RBFOX1: variants seen among roughly 807,000 people sequenced by gnomAD.
RBFOX1 encodes RNA binding fox-1 homolog 1, also known as RNA binding protein fox-1 homolog 1.
RBFOX1 carries 8 observed loss-of-function variants against 57.7 expected under a neutral mutation model. The observed-to-expected ratio is 0.14, with a 90% confidence interval of 0.08 to 0.25. The LOEUF is 0.25. Among genes scored for constraint, RBFOX1 ranks in the 10% least tolerant of loss-of-function variants. The pLI, the probability that RBFOX1 is intolerant of heterozygous loss-of-function variation, is 1.00. For synonymous variants in RBFOX1, 326 were observed against 222.4 expected (o/e 1.47, Z -4.15); for missense variants, 611 against 548.5 (o/e 1.11, Z -1.14).
chr16:5,962,838 A>G (rs1212731825), intron 4 of RBFOX1, among the ~76,000 whole-genome samples: 1 of 136,194 alleles, frequency 7.3e-6, no homozygotes, highest in Non-Finnish European at 1.6e-5. Flanking sequence ...TTTTTTTTTT[A>G]ATATATAATG....
At chr16:5,512,477 G>A (rs1265392188) in intron 2 of RBFOX1, among the ~76,000 whole-genome samples, 2 of 151,734 alleles carry the variant, frequency 1.3e-5, no homozygotes, top group Admixed American at 6.6e-5. Flanking sequence ...GTGTGTGTGT[G>A]GAGGTGAGCT....
chr16:6,948,438 G>A (rs1297894203), intron 3 of RBFOX1, among the ~76,000 whole-genome samples: 2 of 128,024 alleles, frequency 1.6e-5, no homozygotes, highest in Non-Finnish European at 3.1e-5. Flanking sequence ...CCAGGCTGGA[G>A]TGCAGTTTAT....
chr16:5,716,804 C>G (rs1306635766), intron 3 of RBFOX1, among the ~76,000 whole-genome samples: 2 of 152,140 alleles, frequency 1.3e-5, no homozygotes, highest in Non-Finnish European at 2.9e-5. Flanking sequence ...CTCAAGGAAG[C>G]TCAGCGACTT....
intron 6 of RBFOX1, among the ~76,000 whole-genome samples, chr16:7,583,382 A>C (rs772358407): frequency 6.6e-6 from 1 of 152,236 alleles, no homozygotes; most frequent in Non-Finnish European, 1.5e-5. Context: ...ATGCATGAGC[A>C]TGCATTTTCT....
intron 3 of RBFOX1, among the ~76,000 whole-genome samples, chr16:5,826,199 A>G (rs997190564): frequency 2.0e-5 from 3 of 149,952 alleles, no homozygotes; most frequent in Non-Finnish European, 4.4e-5. Flanking sequence ...TCTTATAGTA[A>G]TATTCCTTAT....
chr16:7,476,790 C>G (rs2062813964), intron 4 of RBFOX1, among the ~76,000 whole-genome samples: 1 of 152,172 alleles, frequency 6.6e-6, no homozygotes, highest in African/African-American at 2.4e-5. Flanking sequence ...GGTCTCCCCA[C>G]AAAATCCCTG....
At chr16:5,850,962 C>T (rs892291999) in intron 3 of RBFOX1, among the ~76,000 whole-genome samples, 6 of 152,304 alleles carry the variant, frequency 3.9e-5, no homozygotes, top group East Asian at 1.9e-4. Flanking sequence ...GCTGCGTTCC[C>T]GGAGGCTCAT....
chr16:7,656,263 G>A (rs549499962), intron 12 of RBFOX1, among the ~76,000 whole-genome samples: 1 of 152,304 alleles, frequency 6.6e-6, no homozygotes, highest in Admixed American at 6.5e-5. Flanking sequence ...TTGCCTGGGT[G>A]TTTCACTGGA....
At chr16:5,575,487 C>A (rs146074740) in intron 2 of RBFOX1, among the ~76,000 whole-genome samples, 35 of 152,284 alleles carry the variant, frequency 2.3e-4, no homozygotes, top group African/African-American at 8.2e-4. Context: ...AGTGAATTTC[C>A]TTGCCCACAG....
In RBFOX1 at chr16:7,153,254, C is replaced by T. The variant is rs138558368; in HGVS notation, c.27+101156C>T. The stretch of plus-strand genomic sequence containing the variant: ...AGTCTGGTAATGTCTCTATCAAATG[C>T]ATACCTGGAGGCATGGGTCAGAATC... On this transcript the variant is annotated intron_variant, in intron 4 of 15. Transcript: ENST00000550418. 3.3e-5 allele frequency among the ~76,000 whole-genome samples: 5 copies of T among 152,166 alleles called. No homozygotes were observed. The East Asian group carries it at 9.7e-4, about 29-fold the overall frequency.
chr16:5,755,823 C>G (rs1033825348), intron 3 of RBFOX1, among the ~76,000 whole-genome samples: 1 of 152,064 alleles, frequency 6.6e-6, no homozygotes, highest in African/African-American at 2.4e-5. Context: ...GTCTCGAACT[C>G]CTGACCTCAG....
intron 14 of RBFOX1, among the ~76,000 whole-genome samples, chr16:7,703,348 C>G (rs990051): frequency 0.24 from 36,794 of 151,996 alleles, 4,586 homozygotes; most frequent in East Asian, 0.47. Flanking sequence ...CATTTTCTTG[C>G]TGCCATTTGG....
Position 7,054,218 on chromosome 16 carries a change from G to T in RBFOX1, c.27+2120G>T, listed in dbSNP as rs901588633. Among the ~76,000 whole-genome samples, 862 of 104,932 alleles carry T rather than the reference G, an allele frequency of 8.2e-3. 20 individuals carry two copies. The highest frequency in any genetic ancestry group is 0.04 in the East Asian group (112 of 2,772). 68.8% of individuals were successfully genotyped at this position (104,932 alleles called of 152,430 possible). A position where few individuals can be genotyped will look rare whatever the true frequency, so the allele number is the denominator to read the frequency against. ...ATTAAGGTGATTTTTTTTTTCGGGGGGGGGGGGCGGGGAGCTTTTTTTTTT... is the reference window on the plus strand; with the variant it reads ...ATTAAGGTGATTTTTTTTTTCGGGGTGGGGGGGCGGGGAGCTTTTTTTTTT... On this transcript the variant is annotated intron_variant, in intron 4 of 15. Transcript: ENST00000550418.
chr16:7,185,337 T>G (rs896125622), intron 4 of RBFOX1, among the ~76,000 whole-genome samples: 1 of 152,210 alleles, frequency 6.6e-6, no homozygotes, highest in African/African-American at 2.4e-5. Flanking sequence ...GGTTTGTGTT[T>G]AATCACAGAA....
Position 6,339,399 on chromosome 16 carries a change from G to A in RBFOX1, c.-64+22342G>A, listed in dbSNP as rs542781480. On this transcript the variant is annotated intron_variant, in intron 2 of 15. Transcript: ENST00000550418. ...ACAGCAGAGAAAGTGGTTTAATTAT[G>A]GGGCTGCTGAACGAGGAGCAGCAAA... 5.3e-5 allele frequency among the ~76,000 whole-genome samples: 8 copies of A among 152,296 alleles called. No individual in the cohort carries two copies. The East Asian group carries it at 1.4e-3, about 26-fold the overall frequency.
chr16:6,913,765 C>G (rs1490250997), intron 3 of RBFOX1, among the ~76,000 whole-genome samples: 1 of 152,124 alleles, frequency 6.6e-6, no homozygotes, highest in Non-Finnish European at 1.5e-5. Context: ...GTTAAGTCCA[C>G]TGTGGGAAGC....
intron 2 of RBFOX1, among the ~76,000 whole-genome samples, chr16:6,332,505 A>G (rs572540643): frequency 5.9e-5 from 9 of 152,370 alleles, no homozygotes; most frequent in African/African-American, 2.2e-4. Flanking sequence ...TATAGGAGAC[A>G]TGACTGACTG....
chr16:6,042,169 C>T (rs989937770), intron 1 of RBFOX1, among the ~76,000 whole-genome samples: 4 of 151,062 alleles, frequency 2.6e-5, no homozygotes, highest in African/African-American at 4.9e-5. Flanking sequence ...GGTGCCATCT[C>T]GGCTGACTGC....
chr16:5,760,547 A>G (rs1035578866), intron 3 of RBFOX1, among the ~76,000 whole-genome samples: 1 of 152,296 alleles, frequency 6.6e-6, no homozygotes, highest in East Asian at 1.9e-4. Flanking sequence ...ATCGTGGTGT[A>G]TCCATACCAC....
Sources: allele counts gnomAD v4.1 joint callset (sites outside exome capture counted in the v4.1 genomes callset), GRCh38; gene constraint gnomAD v4.1.1; transcripts MANE v1.5; gene names NCBI Gene and HGNC (gene_info 2026-07-23, HGNC 2026-07-21).